Variants in CNTNAP5 observed in about 807,000 individuals in gnomAD.
The protein encoded by CNTNAP5 is contactin-associated protein-like 5.
CNTNAP5 carries 72 observed loss-of-function variants against 150.2 expected under a neutral mutation model. The ratio of observed to expected loss-of-function variants is 0.48; its 90% confidence interval spans 0.40 to 0.58. The LOEUF (loss-of-function observed/expected upper bound fraction) is 0.58, where lower values mean the gene tolerates loss of function less well. Among genes scored for constraint, CNTNAP5 ranks in the 20% least tolerant of loss-of-function variants. The probability of loss-of-function intolerance (pLI) is 0.00; values close to 1 mark genes in which losing one functional copy is unlikely to be tolerated. For missense variants in CNTNAP5, 1,636 were observed against 1,626.2 expected, an observed-to-expected ratio of 1.01 and a Z score of -0.10; for synonymous variants, 672 against 619.8, an observed-to-expected ratio of 1.08 and a Z score of -1.25.
chr2:124,439,768 G>A (rs1049506984), intron 5 of CNTNAP5, among the ~76,000 whole-genome samples: 3 of 152,108 alleles, frequency 2.0e-5, no homozygotes, highest in Admixed American at 2.0e-4. Context: ...TTGAAAGGGG[G>A]TACCTTTACA....
At chr2:124,064,575 A>C (rs1361288554) in intron 1 of CNTNAP5, among the ~76,000 whole-genome samples, 3 of 152,070 alleles carry the variant, frequency 2.0e-5, no homozygotes, top group Non-Finnish European at 2.9e-5. Context: ...TTTATTCTCT[A>C]TCATGCGAAT....
intron 3 of CNTNAP5, among the ~76,000 whole-genome samples, chr2:124,271,655 T>C (rs914578472): frequency 2.9e-5 from 4 of 137,368 alleles, no homozygotes; most frequent in East Asian, 2.1e-4. Context: ...TTAGTTTTTT[T>C]TTAATCTATC....
intron 3 of CNTNAP5, among the ~76,000 whole-genome samples, chr2:124,377,556 T>C (rs1690680737): frequency 6.6e-6 from 1 of 151,856 alleles, no homozygotes. Context: ...GCGCCTGTAA[T>C]CCTAGCTACT....
At chr2:124,205,696 C>T (rs1049444220) in intron 1 of CNTNAP5, among the ~76,000 whole-genome samples, 2 of 152,214 alleles carry the variant, frequency 1.3e-5, no homozygotes, top group African/African-American at 4.8e-5. Context: ...GCCACCATAC[C>T]CGGCCAAACC....
chr2:124,097,313 G>A (rs1682959055), intron 1 of CNTNAP5, among the ~76,000 whole-genome samples: 1 of 152,140 alleles, frequency 6.6e-6, no homozygotes, highest in African/African-American at 2.4e-5. Flanking sequence ...CTAAAGCACT[G>A]TCACACTATC....
In CNTNAP5 at chr2:124,417,644, C is replaced by G. The variant is rs759799002; in HGVS notation, c.529+54C>G. The G allele has an allele frequency of 4.0e-4, 599 of 1,510,226 alleles. 3 individuals carry two copies. The highest frequency in any genetic ancestry group is 1.8e-4 in the Non-Finnish European group (195 of 1,100,590). The allele number at this position is 1,510,226 out of a possible 1,614,324, so 93.6% of individuals were successfully genotyped here. On this transcript the variant is annotated intron_variant, in intron 4 of 23. Transcript: ENST00000682447. ...TGCTGAGTGTGAGTGGCACCGCCTACGTAACATCAGTTTATCTACATTGAG... is the reference window on the plus strand; with the variant it reads ...TGCTGAGTGTGAGTGGCACCGCCTAGGTAACATCAGTTTATCTACATTGAG...
intron 3 of CNTNAP5, among the ~76,000 whole-genome samples, chr2:124,353,303 A>G (rs1457353647): frequency 6.6e-6 from 1 of 151,834 alleles, no homozygotes; most frequent in African/African-American, 2.4e-5. Flanking sequence ...AAAAAAAAAA[A>G]AAAAAAGATG....
At chr2:124,366,718 T>C (rs1167346643) in intron 3 of CNTNAP5, among the ~76,000 whole-genome samples, 2 of 152,194 alleles carry the variant, frequency 1.3e-5, no homozygotes, top group Non-Finnish European at 2.9e-5. Context: ...ATTGGAGTCA[T>C]ACCTAAGACC....
chr2:124,740,807 A>T (rs897734657), intron 13 of CNTNAP5, among the ~76,000 whole-genome samples: 1 of 152,154 alleles, frequency 6.6e-6, no homozygotes, highest in African/African-American at 2.4e-5. Context: ...TTCCTGAGTT[A>T]CATTCTGGGG....
At chr2:124,090,202 A>T (rs532079110) in intron 1 of CNTNAP5, among the ~76,000 whole-genome samples, 1 of 152,250 alleles carries the variant, frequency 6.6e-6, no homozygotes, top group African/African-American at 2.4e-5. Flanking sequence ...CTACTTTGAA[A>T]AATAATTTAG....
intron 13 of CNTNAP5, among the ~76,000 whole-genome samples, chr2:124,667,657 C>T (rs1678728677): frequency 4.6e-5 from 7 of 152,162 alleles, no homozygotes; most frequent in Admixed American, 3.9e-4. Context: ...GGAGCAATTC[C>T]ACTACATTAA....
chr2:124,102,566 G>A (rs1030754171), intron 1 of CNTNAP5, among the ~76,000 whole-genome samples: 4 of 152,098 alleles, frequency 2.6e-5, no homozygotes, highest in East Asian at 1.9e-4. Context: ...TCACAGAGGC[G>A]GACCTGGAAG....
chr2:124,875,961 G>T (rs536418521), intron 21 of CNTNAP5, among the ~76,000 whole-genome samples: 2 of 151,984 alleles, frequency 1.3e-5, no homozygotes, highest in Non-Finnish European at 2.9e-5. Flanking sequence ...TCTGCTTCAG[G>T]TACAGCTGGC....
At chr2:124,782,982 A>G (rs940825187) in intron 17 of CNTNAP5, among the ~76,000 whole-genome samples, 28 of 152,204 alleles carry the variant, frequency 1.8e-4, no homozygotes, top group African/African-American at 6.8e-4. Context: ...ATTAATATGG[A>G]CAAATGTCAT....
In CNTNAP5 at chr2:124,571,985, G is replaced by A. The variant is rs114271761; in HGVS notation, c.1756+8662G>A. Among the ~76,000 whole-genome samples, 416 of 152,214 alleles carry A rather than the reference G, an allele frequency of 2.7e-3. 2 individuals are homozygous for A. The highest frequency in any genetic ancestry group is 8.7e-3 in the African/African-American group (363 of 41,528). On this transcript the variant is annotated intron_variant, in intron 11 of 23. Coordinates refer to ENST00000682447, the MANE Select transcript of CNTNAP5 (RefSeq NM_001367498.1). ...AGAAAGAAATCAGTAATTTTCTGTCGGCAGCCTAAGACTGTGGCAGTATTG... is the reference window on the plus strand; with the variant it reads ...AGAAAGAAATCAGTAATTTTCTGTCAGCAGCCTAAGACTGTGGCAGTATTG...
intron 16 of CNTNAP5, among the ~76,000 whole-genome samples, chr2:124,769,523 T>A (rs1681144749): frequency 6.6e-6 from 1 of 152,134 alleles, no homozygotes; most frequent in Non-Finnish European, 1.5e-5. Flanking sequence ...GCTAATGCTG[T>A]CATTGGTCTT....
rs192714085 is a variant in CNTNAP5 at position 124,724,846 on chromosome 2, G to T, written c.2078-22383G>T. Among the ~76,000 whole-genome samples the T allele has an allele frequency of 2.0e-5, 3 of 150,804 alleles. No individual in the cohort carries two copies. The East Asian group carries it at 5.9e-4, about 30-fold the overall frequency. ...AGTCTTTACATTAAGCCAGCAATTCGAAGGCAACTCCTTTACTGTGGTACA... is the reference window on the plus strand; with the variant it reads ...AGTCTTTACATTAAGCCAGCAATTCTAAGGCAACTCCTTTACTGTGGTACA... On this transcript the variant is annotated intron_variant, in intron 13 of 23. Transcript: ENST00000682447.
chr2:124,247,590 CA>C (rs5834052), intron 3 of CNTNAP5, among the ~76,000 whole-genome samples: 63,684 of 151,520 alleles, frequency 0.42, 14,092 homozygotes, highest in Non-Finnish European at 0.49. Context: ...AATAAATATA[CA>C]AAAAAATGGG....
chr2:124,773,780 T>C (rs12471937), intron 17 of CNTNAP5, among the ~76,000 whole-genome samples: 12,384 of 152,180 alleles, frequency 0.081, 634 homozygotes, highest in East Asian at 0.15. Flanking sequence ...TGTGTGTGTG[T>C]GTGTTTCACA....
Sources: gnomAD v4.1 joint callset for allele counts (sites outside exome capture counted in the v4.1 genomes callset) on GRCh38, gnomAD v4.1.1 for gene constraint, MANE v1.5 for transcripts, NCBI Gene and HGNC (gene_info 2026-07-23, HGNC 2026-07-21) for gene names.